Variants in ABTB1 observed in about 807,000 individuals in gnomAD.
ABTB1 encodes the protein ankyrin repeat and BTB/POZ domain-containing protein 1.
ABTB1 carries 45 observed loss-of-function variants against 57.1 expected under a neutral mutation model. The observed-to-expected ratio is 0.79, with a 90% CI of 0.62 to 1.01. The LOEUF (loss-of-function observed/expected upper bound fraction) is 1.01, where lower values mean the gene tolerates loss of function less well. Among genes scored for constraint, ABTB1 ranks in the 50% least tolerant of loss-of-function variants. The pLI is 0.00. For synonymous variants in ABTB1, 302 were observed against 275.4 expected (o/e 1.10, Z -0.95); for missense variants, 630 against 666.3 (o/e 0.95, Z 0.60).
At position 127,677,734 on chromosome 3, in the gene ABTB1, A is replaced by G. The variant is rs749346000; in HGVS notation, c.920A>G (p.Glu307Gly). The change falls in exon 10 of 12, where the codon GAG becomes GGG. Residue 307 changes from glutamate to glycine, a missense_variant. Coordinates refer to ENST00000232744, the MANE Select transcript of ABTB1 (RefSeq NM_172027.3). ...GCCCTGCTGGATGACCACTTCCGAG[A>G]GAGCGAGGAGCCAGCGACCTCAGGG... Reference protein sequence around the residue: ...FRALLDDHFRESEEPATSGGP... With the variant: ...FRALLDDHFRGSEEPATSGGP... 3.1e-6 allele frequency: 5 copies of G among 1,610,284 alleles called. No homozygotes were observed. The East Asian group carries it at 1.1e-4, about 36-fold the overall frequency.
chr3:127,674,410 G>T lies in ABTB1; in HGVS notation c.76G>T (p.Asp26Tyr). Residue 26 changes from aspartate to tyrosine, a missense_variant, in exon 2 of 12, where the codon GAC (aspartate) becomes TAC (tyrosine). Physicochemically the swap from Asp to Tyr is radical, Grantham distance 160. This residue lies in a region of ABTB1 where 579 missense variants were observed against 585.9 expected (regional missense o/e 0.99). Transcript: ENST00000232744. Reference protein sequence around the residue: ...GRVRYLLEQRDVEVNVRDKWD... With the variant: ...GRVRYLLEQRYVEVNVRDKWD... ...GCCCAGGTACCTGCTGGAGCAGCGAGACGTGGAGGTGAATGTGCGGGACAA... is the reference window on the plus strand; with the variant it reads ...GCCCAGGTACCTGCTGGAGCAGCGATACGTGGAGGTGAATGTGCGGGACAA... 1 of 1,608,470 alleles carries T rather than the reference G, an allele frequency of 6.2e-7. No individual in the cohort carries two copies. Among genetic ancestry groups the T allele is most frequent in the South Asian group, 1.1e-5 (1 of 90,554 alleles).
intron 3 of ABTB1, chr3:127,675,451 AT>A (rs200884492): frequency 3.1e-5 from 5 of 158,780 alleles, no homozygotes; most frequent in South Asian, 1.7e-4. Context: ...AAGTTTTTGT[AT>A]TTTTTTTGCA....
At position 127,677,173 on chromosome 3, in the gene ABTB1, T is replaced by A; in HGVS notation, c.649T>A (p.Ser217Thr). 1 of 1,613,448 alleles carries A rather than the reference T, an allele frequency of 6.2e-7. No homozygotes were observed. Among genetic ancestry groups the A allele is most frequent in the Non-Finnish European group, 8.5e-7 (1 of 1,179,812 alleles). The change falls in exon 8 of 12, where the codon TCT becomes ACT. Residue 217 changes from serine to threonine, a missense_variant. Physicochemically the swap from Ser to Thr is moderately conservative, Grantham distance 58. Coordinates refer to ENST00000232744, the MANE Select transcript of ABTB1 (RefSeq NM_172027.3). ...AAGTTGTTCTTCCCCTGTAGTGGCGTCTAAGCCAGGCACGTGTGTGAAGGT... is the reference window on the plus strand; with the variant it reads ...AAGTTGTTCTTCCCCTGTAGTGGCGACTAAGCCAGGCACGTGTGTGAAGGT... Reference protein sequence around the residue: ...KCEKVSEFVASKPGTCVKVLT... With the variant: ...KCEKVSEFVATKPGTCVKVLT...
chr3:127,674,560 G>C lies in ABTB1; in HGVS notation c.135G>C (p.Leu45Phe), dbSNP rs1220812881. Reference sequence around the variant, plus strand: ...CTCCCTTCAGGTACTATGCCTGCTTGTGTGGGCACGAGGAGCTGGTACTCT... The same window carrying C: ...CTCCCTTCAGGTACTATGCCTGCTTCTGTGGGCACGAGGAGCTGGTACTCT... ...WDSTPLYYAC[L>F]CGHEELVLYL... is the part of the protein sequence containing the mutation. The change falls in exon 3 of 12, where the codon TTG becomes TTC. Residue 45 changes from leucine (L) to phenylalanine (F), a missense_variant. This residue lies in a region of ABTB1 where 579 missense variants were observed against 585.9 expected (regional missense o/e 0.99). Coordinates refer to ENST00000232744, the MANE Select transcript of ABTB1 (RefSeq NM_172027.3). 1.2e-6 allele frequency: 2 copies of C among 1,614,178 alleles called. No homozygotes were observed. Among genetic ancestry groups the C allele is most frequent in the South Asian group, 2.2e-5 (2 of 91,078 alleles).
chr3:127,679,513 C>T (rs922088516), intron 10 of ABTB1: 7 of 457,150 alleles, frequency 1.5e-5, no homozygotes, highest in African/African-American at 4.0e-5. Context: ...TAGTCTCCCA[C>T]CCCTGGCAGA....
chr3:127,680,153 T>C lies in ABTB1; in HGVS notation c.1198T>C (p.Cys400Arg), dbSNP rs750584740. 7 of 1,613,780 alleles carry C rather than the reference T, an allele frequency of 4.3e-6. No homozygotes were observed. The highest frequency in any genetic ancestry group is 5.9e-6 in the Non-Finnish European group (7 of 1,180,020). ...LFRLARLEDQ[C>R]TEYMAKVIEK... is the part of the protein sequence containing the mutation. ...CCGCCTGGCGCGGCTTGAGGACCAG[T>C]GCACTGAGTACATGGCCAAGGTCAT... Residue 400 changes from cysteine (C) to arginine (R), a missense_variant, in exon 11 of 12, where the codon TGC (cysteine) becomes CGC (arginine). Coordinates refer to ENST00000232744, the MANE Select transcript of ABTB1 (RefSeq NM_172027.3).
rs2075089949 is a variant in ABTB1, at chr3:127,680,000, GC to G, written c.1047del (p.Tyr350MetfsTer4). 6.2e-7 allele frequency: 1 copy of G among 1,613,462 alleles called. No individual in the cohort carries two copies. The highest frequency in any genetic ancestry group is 1.7e-5 in the Admixed American group (1 of 60,008). ...TTCACTGCAGCTGTCCCCCGAGGCAGCCTATGATGTGCTGAGCGTCGCCGAC... is the reference window on the plus strand; with the variant it reads ...TTCACTGCAGCTGTCCCCCGAGGCAGCTATGATGTGCTGAGCGTCGCCGAC... ...SDHTELSPEA[A>X]YDVLSVADMY... On this transcript the variant is annotated frameshift_variant, in exon 11 of 12. Transcript: ENST00000232744. LOFTEE classifies it high-confidence loss of function.
At chr3:127,679,849 G>T in intron 10 of ABTB1, 136 bp from the exon 11 acceptor site, 1 of 719,164 alleles carries the variant, frequency 1.4e-6, no homozygotes, top group Non-Finnish European at 2.3e-6. Flanking sequence ...CCCCATACAT[G>T]CGCAGGGAGC....
At chr3:127,679,704 C>G in intron 10 of ABTB1, 1 of 564,434 alleles carries the variant, frequency 1.8e-6, no homozygotes, top group Non-Finnish European at 3.3e-6. Flanking sequence ...GAGCTCAGAC[C>G]CTGGCTCCTG....
chr3:127,677,412 CGTTCACTTCT>C, intron 8 of ABTB1, 43 bp from the exon 9 acceptor site: 1 of 1,585,266 alleles, frequency 6.3e-7, no homozygotes, highest in Non-Finnish European at 8.7e-7. Flanking sequence ...TGAACCTAGT[CGTTCACTTCT>C]GTGAACAACT....
Position 127,676,970 on chromosome 3 carries a change from G to A in ABTB1, c.530G>A (p.Arg177His), listed in dbSNP as rs369632529. Residue 177 changes from arginine (R) to histidine (H), a missense_variant, in exon 7 of 12, where the codon CGC (arginine) becomes CAC (histidine). By Grantham distance (29) the Arg-to-His change is conservative (BLOSUM62 0). This residue lies in a region of ABTB1 where 579 missense variants were observed against 585.9 expected (regional missense o/e 0.99). Transcript: ENST00000232744. This position sits in a 1 kb window ranked among gnomAD's most constrained non-coding sequence, Gnocchi z 5.4. ...TCATCCTCCCCACTGCCCCCAGGCC[G>A]CCTGGACATTGGCGTAGAGCATGTG... is the stretch of plus-strand genomic sequence containing the variant. ...GALLQYLYTG[R>H]LDIGVEHVSD... is the part of the protein sequence containing the mutation. 3.0e-5 allele frequency: 49 copies of A among 1,613,048 alleles called. No individual in the cohort carries two copies. The highest frequency in any genetic ancestry group is 3.3e-5 in the Non-Finnish European group (39 of 1,179,608).
rs200153905 is a variant in ABTB1, at chr3:127,680,040, C to T, written c.1085C>T (p.Pro362Leu). 1.2e-6 allele frequency: 2 copies of T among 1,613,820 alleles called. No homozygotes were observed. The highest frequency in any genetic ancestry group is 1.7e-5 in the Admixed American group (1 of 60,032). The change falls in exon 11 of 12, where the codon CCA becomes CTA. Residue 362 changes from proline to leucine, a missense_variant. By Grantham distance (98) the Pro-to-Leu change is moderately conservative. Around this residue, in one of 3 missense-constraint regions of ABTB1, gnomAD observed 579 missense variants for 585.9 expected, o/e 0.99. Coordinates refer to ENST00000232744, the MANE Select transcript of ABTB1 (RefSeq NM_172027.3). Reference protein sequence around the residue: ...VLSVADMYLLPGLKRLCGRSL... With the variant: ...VLSVADMYLLLGLKRLCGRSL... ...AGCGTCGCCGACATGTACCTGCTGC[C>T]AGGCCTGAAGAGGCTGTGCGGCCGC...
Position 127,677,075 on chromosome 3 carries a change from C to CT in ABTB1, c.636dup (p.Glu213Ter). 4 of 1,614,112 alleles carry CT rather than the reference C, an allele frequency of 2.5e-6. No homozygotes were observed. The highest frequency in any genetic ancestry group is 3.4e-6 in the Non-Finnish European group (4 of 1,179,988). ...CTGGAGGCCAAGTGCGAGAAGGTGTCTGAGTTTGGTGCGAGCAGGGTTTGG... is the reference window on the plus strand; with the variant it reads ...CTGGAGGCCAAGTGCGAGAAGGTGTCTTGAGTTTGGTGCGAGCAGGGTTTGG... On this transcript the variant is annotated frameshift_variant, in exon 7 of 12. Coordinates refer to ENST00000232744, the MANE Select transcript of ABTB1 (RefSeq NM_172027.3). LOFTEE classifies it high-confidence loss of function.
chr3:127,679,427 T>C (rs1031076145), intron 10 of ABTB1: 1 of 425,326 alleles, frequency 2.4e-6, no homozygotes, highest in Non-Finnish European at 4.9e-6. Flanking sequence ...AGGGCTTCAG[T>C]CTTATCCAGC....
rs763529022 is a variant in ABTB1 at position 127,676,033 on chromosome 3, C to G, written c.239C>G (p.Pro80Arg). ...TGCCTCTATGGGGCACTGAGTGACC[C>G]CATCCGCCGGGCTCTACGCGATTAC... ...ERCLYGALSD[P>R]IRRALRDYKQ... The change falls in exon 4 of 12, where the codon CCC becomes CGC. Residue 80 changes from proline to arginine, a missense_variant. This residue lies in a region of ABTB1 where 579 missense variants were observed against 585.9 expected (regional missense o/e 0.99). Coordinates refer to ENST00000232744, the MANE Select transcript of ABTB1 (RefSeq NM_172027.3). The surrounding 1 kb of genome is among the most constrained non-coding windows in gnomAD (Gnocchi z 5.4). The G allele has an allele frequency of 7.4e-6, 12 of 1,612,968 alleles. No individual in the cohort carries two copies. The highest frequency in any genetic ancestry group is 1.7e-5 in the Admixed American group (1 of 59,988).
rs200417857 is a variant in ABTB1, at chr3:127,677,277, C to T, written c.753C>T (p.Pro251=). The change falls in exon 8 of 12, where the codon CCC becomes CCT. Residue 251 remains proline (P), a synonymous_variant. Coordinates refer to ENST00000232744, the MANE Select transcript of ABTB1 (RefSeq NM_172027.3). ...TGCTGGCCGATTGTGCCCTGCCCCC[C>T]GAGCTCCGAGTAAGTGCGGGGCTGG... ...MALLADCALP[P]ELRGDLWELP... The T allele has an allele frequency of 4.5e-5, 71 of 1,589,482 alleles. No homozygotes were observed. The highest frequency in any genetic ancestry group is 5.4e-5 in the Admixed American group (3 of 55,878).
Position 127,675,844 on chromosome 3 carries a change from G to T in ABTB1, c.176-126G>T, listed in dbSNP as rs1456644377. On this transcript the variant is annotated intron_variant, in intron 3 of 11. Coordinates refer to ENST00000232744, the MANE Select transcript of ABTB1 (RefSeq NM_172027.3). ...GTGTTGGGGTCAGAGTGGGCCCAGG[G>T]TAATTTGGGAAGGCATCGCCAGAGA... 9 of 1,323,002 alleles carry T rather than the reference G, an allele frequency of 6.8e-6. No individual in the cohort carries two copies. The South Asian group carries it at 1.2e-4, about 18-fold the overall frequency. 82.0% of individuals were successfully genotyped at this position (1,323,002 alleles called of 1,614,324 possible). A position where few individuals can be genotyped will look rare whatever the true frequency, so the allele number is the denominator to read the frequency against.
Position 127,674,597 on chromosome 3 carries a change from A to C in ABTB1, c.172A>C (p.Asn58His). ...GGAGCTGGTACTCTACCTTCTGGCC[A>C]ATGGTGAGAGCAGGGAGCCCGGCTC... ...HEELVLYLLA[N>H]GARCEANTFD... Residue 58 changes from asparagine to histidine, a missense_variant, in exon 3 of 12, where the codon AAT becomes CAT. Asn to His is a moderately conservative substitution (Grantham distance 68). Coordinates refer to ENST00000232744, the MANE Select transcript of ABTB1 (RefSeq NM_172027.3). 6.2e-7 allele frequency: 1 copy of C among 1,614,124 alleles called. No individual in the cohort carries two copies. Among genetic ancestry groups the C allele is most frequent in the African/African-American group, 1.3e-5 (1 of 75,022 alleles).
chr3:127,680,871 G>T lies in ABTB1; in HGVS notation c.*396G>T, dbSNP rs1348507030. 1 of 577,316 alleles carries T rather than the reference G, an allele frequency of 1.7e-6. No homozygotes were observed. Among genetic ancestry groups the T allele is most frequent in the East Asian group, 2.9e-5 (1 of 34,442 alleles). The allele number at this position is 577,316 out of a possible 1,614,324, so 35.8% of individuals were successfully genotyped here. A position where few individuals can be genotyped will look rare whatever the true frequency, so the allele number is the denominator to read the frequency against. On this transcript the variant is annotated 3_prime_UTR_variant, in exon 12 of 12. Coordinates refer to ENST00000232744, the MANE Select transcript of ABTB1 (RefSeq NM_172027.3). Reference sequence around the variant, plus strand: ...TGTTCCCATGCACAGGGCCATTCAGGAAGGGCTGGGGGAGTGTGTGTGGCA... The same window carrying T: ...TGTTCCCATGCACAGGGCCATTCAGTAAGGGCTGGGGGAGTGTGTGTGGCA...
Sources: gnomAD v4.1 joint callset for allele counts on GRCh38, gnomAD v4.1.1 for gene constraint, gnomAD v4.1.1 regional missense constraint, Gnocchi (gnomAD v3.1) non-coding constraint, MANE v1.5 for transcripts, NCBI Gene and HGNC (gene_info 2026-07-23, HGNC 2026-07-21) for gene names.